CBLB: variants seen among roughly 807,000 people sequenced by gnomAD.
CBLB encodes E3 ubiquitin-protein ligase CBL-B.
Under a neutral mutation model 104.9 loss-of-function variants are expected in CBLB, and 31 were observed. The observed-to-expected ratio is 0.30, with a 90% CI of 0.22 to 0.40. CBLB has a LOEUF of 0.40. Among genes scored for constraint, CBLB ranks in the 10% least tolerant of loss-of-function variants. The pLI is 1.00. For synonymous variants in CBLB, 440 were observed against 422.6 expected, an observed-to-expected ratio of 1.04 and a Z score of -0.51; for missense variants, 1,062 against 1,214.6, an observed-to-expected ratio of 0.87 and a Z score of 1.87.
At chr3:105,829,652 C>G (rs1052423480) in intron 3 of CBLB, among the ~76,000 whole-genome samples, 4 of 110,422 alleles carry the variant, frequency 3.6e-5, no homozygotes, top group South Asian at 3.0e-4. Context: ...CAGAGCGACA[C>G]AGCAAGACCG....
chr3:105,737,434 T>A (rs2075070565), intron 7 of CBLB, among the ~76,000 whole-genome samples, 176 bp from the exon 8 acceptor site: 1 of 152,116 alleles, frequency 6.6e-6, no homozygotes, highest in African/African-American at 2.4e-5. Flanking sequence ...TTAGGACACT[T>A]AAAATGTAGA....
chr3:105,772,569 G>A (rs1174473835), intron 4 of CBLB, among the ~76,000 whole-genome samples: 1 of 152,134 alleles, frequency 6.6e-6, no homozygotes, highest in African/African-American at 2.4e-5. Context: ...AATCAGGAGA[G>A]TAAACAGACA....
intron 4 of CBLB, among the ~76,000 whole-genome samples, chr3:105,769,805 G>A (rs1004332324): frequency 7.9e-5 from 12 of 152,176 alleles, no homozygotes; most frequent in African/African-American, 2.9e-4. Flanking sequence ...TAATATTCAT[G>A]CAAACACTTC....
intron 17 of CBLB, 84 bp downstream of exon 17, chr3:105,678,347 G>C (rs185041882): frequency 6.0e-6 from 8 of 1,336,252 alleles, no homozygotes; most frequent in East Asian, 2.3e-5. Flanking sequence ...AGAGACTAAT[G>C]AATCACTAAC....
intron 5 of CBLB, among the ~76,000 whole-genome samples, chr3:105,747,964 A>C (rs1032770548): frequency 6.6e-6 from 1 of 152,200 alleles, no homozygotes; most frequent in Admixed American, 6.5e-5. Context: ...TAATTGCAAA[A>C]ATATTTATGT....
At chr3:105,814,983 C>T (rs1432010361) in intron 3 of CBLB, among the ~76,000 whole-genome samples, 1 of 145,260 alleles carries the variant, frequency 6.9e-6, no homozygotes, top group African/African-American at 2.6e-5. Flanking sequence ...TCTCCACTTC[C>T]ATCCTTAGCC....
intron 10 of CBLB, among the ~76,000 whole-genome samples, chr3:105,710,432 G>T (rs1373206685): frequency 6.6e-6 from 1 of 151,894 alleles, no homozygotes; most frequent in Admixed American, 6.6e-5. Context: ...CTTATGTAGA[G>T]GTAACTGCAA....
At chr3:105,808,926 C>T (rs946864613) in intron 3 of CBLB, among the ~76,000 whole-genome samples, 2 of 152,114 alleles carry the variant, frequency 1.3e-5, no homozygotes, top group Non-Finnish European at 2.9e-5. Context: ...TATTATTTAA[C>T]TTAATTGTAG....
At chr3:105,865,241 T>C (rs1046832783) in intron 2 of CBLB, among the ~76,000 whole-genome samples, 5 of 152,174 alleles carry the variant, frequency 3.3e-5, no homozygotes, top group African/African-American at 1.2e-4. Context: ...ATACTGCCAA[T>C]TAGTAATTAT....
At position 105,704,317 on chromosome 3, in the gene CBLB, G is replaced by T. The variant is rs893918047; in HGVS notation, c.1408-144C>A. The T allele has an allele frequency of 5.1e-5, 39 of 763,580 alleles. No individual in the cohort carries two copies. The African/African-American group carries it at 5.7e-4, about 11-fold the overall frequency. 47.3% of individuals were successfully genotyped at this position (763,580 alleles called of 1,614,324 possible). ...TTCCCTTAGTTTACCCTGATTAATA[G>T]AAGCAAATAGTTCATACTGTCCCTC... On this transcript the variant is annotated intron_variant, in intron 10 of 18. Transcript: ENST00000394030.
Position 105,853,546 on chromosome 3 carries a change from T to C in CBLB, c.287A>G (p.Gln96Arg). Reference sequence around the variant, plus strand: ...ATTCTCACTGAGTTGGGCAAGTTTCTGGTTGTCATCATATTTACTCAATAT... The same window carrying C: ...ATTCTCACTGAGTTGGGCAAGTTTCCGGTTGTCATCATATTTACTCAATAT... Reference protein sequence around the residue: ...RLILSKYDDNQKLAQLSENEY... With the variant: ...RLILSKYDDNRKLAQLSENEY... Residue 96 changes from glutamine to arginine, a missense_variant, in exon 3 of 19, where the codon CAG becomes CGG. Coordinates refer to ENST00000394030, the MANE Select transcript of CBLB (RefSeq NM_170662.5). 3 of 1,613,650 alleles carry C rather than the reference T, an allele frequency of 1.9e-6. No homozygotes were observed. The highest frequency in any genetic ancestry group is 2.5e-6 in the Non-Finnish European group (3 of 1,179,794).
In CBLB at chr3:105,853,494, G is replaced by T. The variant is rs138686213; in HGVS notation, c.339C>A (p.Ser113Arg). ...TTGCCCGTTTTGACTTTTTCATAAG[G>T]CTATCAATGTAGATTTTAAAGTACT... ...ENEYFKIYID[S>R]LMKKSKRAIR... Residue 113 changes from serine (S) to arginine (R), a missense_variant, in exon 3 of 19, where the codon AGC becomes AGA. This residue lies in a region of CBLB where 457 missense variants were observed against 632.0 expected (regional missense o/e 0.72). Transcript: ENST00000394030. 1.2e-5 allele frequency: 19 copies of T among 1,612,814 alleles called. No individual in the cohort carries two copies. The highest frequency in any genetic ancestry group is 1.6e-5 in the Non-Finnish European group (19 of 1,179,196).
chr3:105,702,146 G>T lies in CBLB; in HGVS notation c.1907C>A (p.Pro636Gln), dbSNP rs769585842. Reference sequence around the variant, plus strand: ...GCGTCTGTGTTTCCGCATAAGCACTGGGTCAGAGCCCACTCTACTGTGCCT... The same window carrying T: ...GCGTCTGTGTTTCCGCATAAGCACTTGGTCAGAGCCCACTCTACTGTGCCT... ...NGRHSRVGSD[P>Q]VLMRKHRRHD... is the part of the protein sequence containing the mutation. The change falls in exon 12 of 19, where the codon CCA becomes CAA. Residue 636 changes from proline (P) to glutamine (Q), a missense_variant. Pro to Gln is a moderately conservative substitution (Grantham distance 76, BLOSUM62 -1). Coordinates refer to ENST00000394030, the MANE Select transcript of CBLB (RefSeq NM_170662.5). 6 of 1,614,114 alleles carry T rather than the reference G, an allele frequency of 3.7e-6. No homozygotes were observed. In the East Asian group the frequency reaches 1.3e-4, roughly 36 times the overall value.
chr3:105,687,758 C>A, intron 13 of CBLB, among the ~76,000 whole-genome samples: 1 of 150,396 alleles, frequency 6.6e-6, no homozygotes, highest in African/African-American at 2.4e-5. Context: ...AATAACATTA[C>A]AGTGTATTTT....
At chr3:105,674,961 A>G (rs919533837) in intron 17 of CBLB, among the ~76,000 whole-genome samples, 1 of 152,198 alleles carries the variant, frequency 6.6e-6, no homozygotes, top group Admixed American at 6.5e-5. Context: ...TTGCAGAGAC[A>G]TAGGACACTG....
chr3:105,859,674 A>C (rs953704779), intron 2 of CBLB, among the ~76,000 whole-genome samples: 90 of 151,508 alleles, frequency 5.9e-4, no homozygotes, highest in African/African-American at 2.0e-3. Context: ...AAAAAAAAAA[A>C]AAAAAAAAGA....
chr3:105,834,639 G>C (rs1227282605), intron 3 of CBLB, among the ~76,000 whole-genome samples: 1 of 141,870 alleles, frequency 7.0e-6, no homozygotes, highest in Non-Finnish European at 1.5e-5. Flanking sequence ...CTGAGCGACA[G>C]AGCAAAACTC....
At chr3:105,669,957 T>C (rs2064891248) in intron 18 of CBLB, among the ~76,000 whole-genome samples, 1 of 152,138 alleles carries the variant, frequency 6.6e-6, no homozygotes, top group African/African-American at 2.4e-5. Flanking sequence ...TGAGACAAAA[T>C]GAAAGTTAGA....
At chr3:105,817,899 ATTAAGTT>A (rs1417022655) in intron 3 of CBLB, among the ~76,000 whole-genome samples, 1 of 152,216 alleles carries the variant, frequency 6.6e-6, no homozygotes, top group Non-Finnish European at 1.5e-5. Context: ...AATTTGCATT[ATTAAGTT>A]TTATGTCTTT....
Sources: gnomAD v4.1 joint callset for allele counts (sites outside exome capture counted in the v4.1 genomes callset) on GRCh38, gnomAD v4.1.1 for gene constraint, gnomAD v4.1.1 regional missense constraint, MANE v1.5 for transcripts, NCBI Gene and HGNC (gene_info 2026-07-23, HGNC 2026-07-21) for gene names.